Variants in SDK1 observed in about 807,000 individuals in gnomAD.
SDK1 encodes sidekick cell adhesion molecule 1.
In SDK1, 157 loss-of-function variants were observed where a neutral mutation model predicts 245.5. That is an observed-to-expected ratio of 0.64 (90% confidence interval 0.56 to 0.73). The LOEUF (loss-of-function observed/expected upper bound fraction) is 0.73. Ranked by LOEUF, SDK1 falls within the 30% of genes least tolerant of loss-of-function variation. The pLI is 0.00. For synonymous variants in SDK1, 1,647 were observed against 1,278.5 expected (o/e 1.29, Z -6.15); for missense variants, 3,583 against 3,002.3 (o/e 1.19, Z -4.52).
Position 3,501,353 on chromosome 7 carries a change from C to T in SDK1, c.299-117727C>T, listed in dbSNP as rs78830613. 2.7e-3 allele frequency among the ~76,000 whole-genome samples: 402 copies of T among 149,052 alleles called. 1 individual carries two copies. The highest frequency in any genetic ancestry group is 9.6e-3 in the African/African-American group (382 of 39,924). ...TCTCCAACTTGCTCTTTCCAACTTG[C>T]TATGGGCTAGGGAATCAGGAAAAAG... On this transcript the variant is annotated intron_variant, in intron 1 of 44. Transcript: ENST00000404826.
chr7:3,606,457 A>G (rs1473774941), intron 1 of SDK1, among the ~76,000 whole-genome samples: 2 of 152,140 alleles, frequency 1.3e-5, no homozygotes, highest in Non-Finnish European at 2.9e-5. Context: ...ATTGGCTTCC[A>G]TTGTCCCTTA....
chr7:3,523,898 G>T (rs1488798763), intron 1 of SDK1, among the ~76,000 whole-genome samples: 3 of 152,144 alleles, frequency 2.0e-5, no homozygotes, highest in Non-Finnish European at 4.4e-5. Context: ...AAATATTGCT[G>T]TGATTGTGGT....
intron 1 of SDK1, among the ~76,000 whole-genome samples, chr7:3,615,275 C>G (rs1781730529): frequency 6.6e-6 from 1 of 151,618 alleles, no homozygotes; most frequent in South Asian, 2.1e-4. Flanking sequence ...AAGCTACCTC[C>G]ATTGCAGTTC....
At chr7:3,966,789 G>A (rs1197304989) in intron 9 of SDK1, among the ~76,000 whole-genome samples, 2 of 151,966 alleles carry the variant, frequency 1.3e-5, no homozygotes, top group African/African-American at 4.8e-5. Flanking sequence ...GGGCTCAAGC[G>A]ATCCTCCTGC....
At chr7:3,922,267 G>T (rs961649547) in intron 5 of SDK1, among the ~76,000 whole-genome samples, 1 of 152,178 alleles carries the variant, frequency 6.6e-6, no homozygotes, top group East Asian at 1.9e-4. Context: ...CTGGGGGCTG[G>T]GAGCAGGATT....
chr7:3,589,358 A>G (rs1238853763), intron 1 of SDK1, among the ~76,000 whole-genome samples: 1 of 152,142 alleles, frequency 6.6e-6, no homozygotes, highest in African/African-American at 2.4e-5. Flanking sequence ...ATCAGTACTT[A>G]TTTCACAGGT....
At position 3,679,597 on chromosome 7, in the gene SDK1, T is replaced by A. The variant is rs541409329; in HGVS notation, c.713+37492T>A. On this transcript the variant is annotated intron_variant, in intron 4 of 44. Transcript: ENST00000404826. ...AGAAAAGAAAATGGGCAAAGGAGAT[T>A]AATAGACATTTCATGGAAGAGGATA... Among the ~76,000 whole-genome samples, 93 of 152,138 alleles carry A rather than the reference T, an allele frequency of 6.1e-4. 1 individual carries two copies. The highest frequency in any genetic ancestry group is 2.2e-3 in the African/African-American group (92 of 41,516).
chr7:3,626,983 A>G (rs1010560743), intron 2 of SDK1, among the ~76,000 whole-genome samples: 2 of 151,896 alleles, frequency 1.3e-5, no homozygotes, highest in African/African-American at 2.4e-5. Flanking sequence ...GCTGGAGTAC[A>G]GTGGCACAGT....
intron 1 of SDK1, among the ~76,000 whole-genome samples, chr7:3,405,239 T>C (rs1268241731): frequency 2.6e-5 from 4 of 152,022 alleles, no homozygotes; most frequent in Non-Finnish European, 5.9e-5. Flanking sequence ...GTGTGGCATA[T>C]TGGTGGCTGT....
At chr7:4,106,404 T>TG (rs921987892) in intron 22 of SDK1, among the ~76,000 whole-genome samples, 29 of 151,734 alleles carry the variant, frequency 1.9e-4, no homozygotes, top group African/African-American at 6.5e-4. Context: ...CCTGGGTTCA[T>TG]GCCATTCTCC....
intron 1 of SDK1, among the ~76,000 whole-genome samples, chr7:3,519,806 C>T (rs1039834125): frequency 2.6e-5 from 4 of 152,040 alleles, no homozygotes; most frequent in Non-Finnish European, 5.9e-5. Flanking sequence ...AACGGCAAGT[C>T]TAGCCTTCTG....
At chr7:3,503,096 G>C (rs770458704) in intron 1 of SDK1, among the ~76,000 whole-genome samples, 1 of 152,138 alleles carries the variant, frequency 6.6e-6, no homozygotes, top group Non-Finnish European at 1.5e-5. Context: ...AAATTGTATG[G>C]AGACATTGGT....
chr7:3,543,212 T>A (rs1170868192), intron 1 of SDK1, among the ~76,000 whole-genome samples: 1 of 152,240 alleles, frequency 6.6e-6, no homozygotes, highest in Non-Finnish European at 1.5e-5. Flanking sequence ...AATTGAGATG[T>A]TACTGTAGAG....
intron 9 of SDK1, among the ~76,000 whole-genome samples, chr7:3,965,629 C>T (rs1045177904): frequency 1.8e-4 from 27 of 152,204 alleles, no homozygotes; most frequent in African/African-American, 6.5e-4. Flanking sequence ...GGGGACACGG[C>T]TGTGAGGAAG....
chr7:3,500,465 T>C (rs1782161903), intron 1 of SDK1, among the ~76,000 whole-genome samples: 1 of 152,214 alleles, frequency 6.6e-6, no homozygotes, highest in African/African-American at 2.4e-5. Context: ...TTTGAAAGTA[T>C]TGCTCCATTG....
chr7:3,453,375 C>A (rs1365533464), intron 1 of SDK1, among the ~76,000 whole-genome samples: 2 of 152,172 alleles, frequency 1.3e-5, no homozygotes, highest in Admixed American at 6.5e-5. Flanking sequence ...CACATCAAAT[C>A]CCTGGAACCT....
intron 5 of SDK1, among the ~76,000 whole-genome samples, chr7:3,926,522 G>A (rs191707525): frequency 1.3e-5 from 2 of 152,242 alleles, no homozygotes; most frequent in African/African-American, 4.8e-5. Flanking sequence ...GTGCAGTGGT[G>A]TGATCTCGGC....
At chr7:3,740,505 G>C (rs957291187) in intron 4 of SDK1, among the ~76,000 whole-genome samples, 3 of 152,156 alleles carry the variant, frequency 2.0e-5, no homozygotes, top group African/African-American at 7.2e-5. Context: ...GTCAGATTTA[G>C]GTCAGATACA....
intron 1 of SDK1, among the ~76,000 whole-genome samples, chr7:3,557,923 A>C (rs983248498): frequency 3.3e-5 from 5 of 152,126 alleles, no homozygotes; most frequent in African/African-American, 1.2e-4. Flanking sequence ...TACCATATGT[A>C]AATAGAAAAG....
Sources: gnomAD v4.1 joint callset for allele counts (sites outside exome capture counted in the v4.1 genomes callset) on GRCh38, gnomAD v4.1.1 for gene constraint, MANE v1.5 for transcripts, NCBI Gene and HGNC (gene_info 2026-07-23, HGNC 2026-07-21) for gene names.